SMAD6: variants seen among roughly 807,000 people sequenced by gnomAD.
SMAD6 encodes MAD homolog 6.
Under a neutral mutation model 39.4 loss-of-function variants are expected in SMAD6, and 103 were observed. The ratio of observed to expected loss-of-function variants is 2.62; its 90% confidence interval spans 2.23 to 3.08. The LOEUF (loss-of-function observed/expected upper bound fraction) is 3.08, where lower values mean the gene tolerates loss of function less well. Among genes scored for constraint, SMAD6 ranks in the 30% most tolerant of loss-of-function variants. SMAD6 has a pLI of 0.00. For missense variants in SMAD6, 1,104 were observed against 742.9 expected (o/e 1.49, Z -5.65); for synonymous variants, 445 against 353.3 (o/e 1.26, Z -2.91).
At chr15:66,715,132 G>A (rs773249984) in intron 2 of SMAD6, among the ~76,000 whole-genome samples, 4 of 147,942 alleles carry the variant, frequency 2.7e-5, no homozygotes, top group Non-Finnish European at 4.4e-5. Flanking sequence ...AAATAGTCCC[G>A]CGTTATTTTT....
chr15:66,754,960 T>G (rs1447694070), intron 3 of SMAD6, among the ~76,000 whole-genome samples: 1 of 152,168 alleles, frequency 6.6e-6, no homozygotes, highest in Non-Finnish European at 1.5e-5. Flanking sequence ...GGCTGCTTTA[T>G]TCTTATCTGT....
At chr15:66,727,093 C>T (rs1391982910) in intron 3 of SMAD6, among the ~76,000 whole-genome samples, 3 of 129,632 alleles carry the variant, frequency 2.3e-5, no homozygotes, top group Admixed American at 7.5e-5. Flanking sequence ...GCTCTTTTTT[C>T]TTCTTCTTCT....
In SMAD6 at chr15:66,702,627, TG is replaced by T. The variant is rs1248071196; in HGVS notation, c.-629del. 6.6e-6 allele frequency: 1 copy of T among 152,506 alleles called. No individual in the cohort carries two copies. Among genetic ancestry groups the T allele is most frequent in the Admixed American group, 6.5e-5 (1 of 15,280 alleles). 9.4% of individuals were successfully genotyped at this position (152,506 alleles called of 1,614,324 possible). ...ACTCGCTCCAAGTGCATCTAGCGCC[TG>T]GGACCTGAGACGGCGTTGGCCTTTC... On this transcript the variant is annotated 5_prime_UTR_variant, in exon 1 of 4. Coordinates refer to ENST00000288840, the MANE Select transcript of SMAD6 (RefSeq NM_005585.5).
chr15:66,717,016 T>C, intron 3 of SMAD6: 1 of 1,289,458 alleles, frequency 7.8e-7, no homozygotes, highest in South Asian at 1.2e-5. Flanking sequence ...GAGCAGCAGA[T>C]GCTGGGATAG....
rs369647470 is a variant in SMAD6, at chr15:66,781,336, C to A, written c.1292C>A (p.Pro431His). The A allele has an allele frequency of 6.9e-6, 11 of 1,598,874 alleles. No individual in the cohort carries two copies. The highest frequency in any genetic ancestry group is 2.7e-5 in the African/African-American group (2 of 74,716). Residue 431 changes from proline (P) to histidine (H), a missense_variant, in exon 4 of 4, where the codon CCC becomes CAC. Transcript: ENST00000288840. ...CGCGCCCTGGTCGTGCGCAAGGTGC[C>A]CCCCGGCTACTCCATCAAGGTGTTC... is the stretch of plus-strand genomic sequence containing the variant. ...GGRALVVRKVPPGYSIKVFDF... is the reference protein window; with the variant it reads ...GGRALVVRKVHPGYSIKVFDF...
chr15:66,777,666 C>G (rs1236413648), intron 3 of SMAD6, among the ~76,000 whole-genome samples: 2 of 152,162 alleles, frequency 1.3e-5, no homozygotes, highest in Non-Finnish European at 2.9e-5. Context: ...TGACCAGGAG[C>G]GCAGACACCT....
chr15:66,766,344 C>CTT (rs886571568), intron 3 of SMAD6, among the ~76,000 whole-genome samples: 1 of 152,186 alleles, frequency 6.6e-6, no homozygotes, highest in African/African-American at 2.4e-5. Context: ...AGGACGCACT[C>CTT]TGTGAAGAAA....
At chr15:66,708,629 T>C (rs1027501663) in intron 1 of SMAD6, 87 of 436,838 alleles carry the variant, frequency 2.0e-4, no homozygotes, top group South Asian at 9.5e-4. Context: ...TGCTACAACA[T>C]GGATGAACTT....
intron 3 of SMAD6, among the ~76,000 whole-genome samples, chr15:66,758,484 T>C (rs1056594569): frequency 6.6e-6 from 1 of 152,198 alleles, no homozygotes; most frequent in South Asian, 2.1e-4. Context: ...TCCCAGCACT[T>C]TGGGAGGCCG....
At chr15:66,719,575 C>T (rs760218427) in intron 3 of SMAD6, among the ~76,000 whole-genome samples, 8 of 152,216 alleles carry the variant, frequency 5.3e-5, no homozygotes, top group Non-Finnish European at 8.8e-5. Context: ...GGAGACTGCC[C>T]TAGTTTGTCT....
intron 3 of SMAD6, among the ~76,000 whole-genome samples, chr15:66,775,411 G>A (rs1894450013): frequency 6.6e-6 from 1 of 152,176 alleles, no homozygotes; most frequent in Non-Finnish European, 1.5e-5. Context: ...CTGGGTTTGG[G>A]TGGTTAGGAC....
intron 3 of SMAD6, among the ~76,000 whole-genome samples, chr15:66,726,007 C>T (rs1873970232): frequency 6.6e-6 from 1 of 152,178 alleles, no homozygotes. Flanking sequence ...GGAAATGTCC[C>T]TGGCCCTGCC....
chr15:66,780,890 A>C (rs72758531), intron 3 of SMAD6, 107 bp from the exon 4 acceptor site: 1 of 1,156,904 alleles, frequency 8.6e-7, no homozygotes, highest in Non-Finnish European at 1.2e-6. Flanking sequence ...AATGCTGGAA[A>C]CCTTACCCAG....
At chr15:66,778,185 A>G (rs1475992204) in intron 3 of SMAD6, among the ~76,000 whole-genome samples, 2 of 151,924 alleles carry the variant, frequency 1.3e-5, no homozygotes, top group Admixed American at 6.6e-5. Flanking sequence ...GGCTCAAGCA[A>G]TCCTCCTGTC....
At chr15:66,758,168 G>A (rs1894136154) in intron 3 of SMAD6, among the ~76,000 whole-genome samples, 1 of 152,126 alleles carries the variant, frequency 6.6e-6, no homozygotes, top group South Asian at 2.1e-4. Context: ...CTTGGTTCTT[G>A]AAAACTCTTT....
chr15:66,754,464 G>A (rs117886566), intron 3 of SMAD6, among the ~76,000 whole-genome samples: 516 of 152,320 alleles, frequency 3.4e-3, no homozygotes, highest in Non-Finnish European at 5.6e-3. Flanking sequence ...TACAGCCAGT[G>A]GTACCGGGCA....
rs998431734 is a variant in SMAD6 at position 66,782,196 on chromosome 15, T to G, written c.*661T>G. 3.0e-6 allele frequency: 1 copy of G among 328,482 alleles called. No homozygotes were observed. 20.3% of individuals were successfully genotyped at this position (328,482 alleles called of 1,614,324 possible). ...TGTTGTTCCTTCCTGCCCATGGCTA[T>G]GGGGTGTCCAGTGGATAGGGATGGC... On this transcript the variant is annotated 3_prime_UTR_variant, in exon 4 of 4. Coordinates refer to ENST00000288840, the MANE Select transcript of SMAD6 (RefSeq NM_005585.5).
intron 3 of SMAD6, among the ~76,000 whole-genome samples, chr15:66,748,267 G>A (rs901054017): frequency 2.0e-5 from 3 of 151,914 alleles, no homozygotes; most frequent in Non-Finnish European, 2.9e-5. Flanking sequence ...CAAAAAAATA[G>A]GGAGGAATTA....
intron 3 of SMAD6, among the ~76,000 whole-genome samples, chr15:66,725,088 C>T (rs1893500011): frequency 6.6e-6 from 1 of 152,210 alleles, no homozygotes; most frequent in African/African-American, 2.4e-5. Flanking sequence ...TCGAAAGTTT[C>T]CTTGTCAGGG....
Sources: allele counts gnomAD v4.1 joint callset (sites outside exome capture counted in the v4.1 genomes callset), GRCh38; gene constraint gnomAD v4.1.1; transcripts MANE v1.5; gene names NCBI Gene and HGNC (gene_info 2026-07-23, HGNC 2026-07-21).